The following EPB41L3 variants were observed in gnomAD, a reference collection of about 807,000 sequenced individuals.
EPB41L3 encodes erythrocyte membrane protein band 4.1 like 3.
In EPB41L3, 57 loss-of-function variants were observed where a neutral mutation model predicts 127.1. The ratio of observed to expected loss-of-function variants is 0.45; its 90% CI spans 0.36 to 0.56. EPB41L3 has a LOEUF of 0.56. Ranked by LOEUF, EPB41L3 falls within the 20% of genes least tolerant of loss-of-function variation. The pLI is 0.00. For missense variants in EPB41L3, 1,273 were observed against 1,372.2 expected, an observed-to-expected ratio of 0.93 and a Z score of 1.14; for synonymous variants, 572 against 549.5, an observed-to-expected ratio of 1.04 and a Z score of -0.57.
chr18:5,586,052 C>T (rs534885186), intron 3 of EPB41L3, among the ~76,000 whole-genome samples: 112 of 152,296 alleles, frequency 7.4e-4, no homozygotes, highest in Admixed American at 2.6e-3. Context: ...GGGCTCAACA[C>T]CAATGTCAGT....
chr18:5,471,816 G>A (rs1350744939), intron 3 of EPB41L3, among the ~76,000 whole-genome samples: 1 of 152,156 alleles, frequency 6.6e-6, no homozygotes, highest in African/African-American at 2.4e-5. Context: ...TCAGCATCAC[G>A]ATGTCAGAAT....
intron 1 of EPB41L3, among the ~76,000 whole-genome samples, chr18:5,522,162 G>C (rs113948546): frequency 1.1e-4 from 16 of 152,204 alleles, no homozygotes; most frequent in African/African-American, 3.9e-4. Context: ...GGAGTGCAGT[G>C]ATGCAATCTC....
At chr18:5,437,211 G>A (rs1017773795) in intron 6 of EPB41L3, among the ~76,000 whole-genome samples, 1 of 152,152 alleles carries the variant, frequency 6.6e-6, no homozygotes. Context: ...TCTGGGAAGT[G>A]ATTAGGGTGG....
chr18:5,619,421 A>G (rs2144193821), intron 1 of EPB41L3, among the ~76,000 whole-genome samples: 1 of 152,232 alleles, frequency 6.6e-6, no homozygotes. Flanking sequence ...TTTTAGCCAG[A>G]GAAATAATTT....
At chr18:5,398,944 G>A (rs190768275) in intron 16 of EPB41L3, 135 of 399,116 alleles carry the variant, frequency 3.4e-4, no homozygotes, top group African/African-American at 2.5e-3. Flanking sequence ...GACAATTTCC[G>A]CTGTGTCGTC....
At chr18:5,394,574 T>C in intron 22 of EPB41L3, 103 bp downstream of exon 22, 2 of 817,366 alleles carry the variant, frequency 2.4e-6, no homozygotes, top group Admixed American at 2.4e-5. Context: ...CAAATGCCAG[T>C]GAGAGAACAG....
chr18:5,506,432 T>C (rs773873041), intron 1 of EPB41L3, among the ~76,000 whole-genome samples: 12 of 152,118 alleles, frequency 7.9e-5, no homozygotes, highest in Non-Finnish European at 1.8e-4. Flanking sequence ...GCCTGGAACA[T>C]ATGTCTTCCT....
intron 8 of EPB41L3, chr18:5,429,523 T>G (rs926391938): frequency 1.3e-5 from 2 of 152,240 alleles, no homozygotes; most frequent in African/African-American, 2.4e-5. Context: ...GAAAGGGTCA[T>G]GAGCTGAGCA....
intron 16 of EPB41L3, chr18:5,400,533 T>A: frequency 2.2e-6 from 1 of 456,936 alleles, no homozygotes; most frequent in Non-Finnish European, 4.4e-6. Flanking sequence ...GGAAAATTAT[T>A]TGACGAGAAG....
chr18:5,519,449 G>A (rs2092897986), intron 1 of EPB41L3, among the ~76,000 whole-genome samples: 2 of 152,172 alleles, frequency 1.3e-5, no homozygotes, highest in Admixed American at 6.5e-5. Context: ...TAGTCACTCA[G>A]TTATCACCAA....
At chr18:5,505,369 A>T (rs1263493630) in intron 1 of EPB41L3, among the ~76,000 whole-genome samples, 1 of 152,034 alleles carries the variant, frequency 6.6e-6, no homozygotes, top group Non-Finnish European at 1.5e-5. Flanking sequence ...CTGTGGCTCT[A>T]CCTTCAGAAT....
intron 3 of EPB41L3, among the ~76,000 whole-genome samples, chr18:5,597,662 G>A (rs1265859462): frequency 6.6e-6 from 1 of 152,174 alleles, no homozygotes; most frequent in Non-Finnish European, 1.5e-5. Flanking sequence ...AGTGAATTCA[G>A]AATTTAGGAA....
chr18:5,421,464 G>T (rs948232952), intron 11 of EPB41L3, among the ~76,000 whole-genome samples: 7 of 152,148 alleles, frequency 4.6e-5, no homozygotes, highest in African/African-American at 1.7e-4. Context: ...AATTCAGCTC[G>T]AAACAGTCCT....
chr18:5,496,583 A>G (rs1010744596), intron 1 of EPB41L3, among the ~76,000 whole-genome samples: 3 of 152,206 alleles, frequency 2.0e-5, no homozygotes, highest in African/African-American at 7.2e-5. Context: ...CACTGTGAAC[A>G]CTCTGTCAAA....
intron 1 of EPB41L3, among the ~76,000 whole-genome samples, chr18:5,621,482 T>C (rs1330155365): frequency 1.3e-5 from 2 of 152,206 alleles, no homozygotes; most frequent in African/African-American, 4.8e-5. Context: ...TTCATGCCTG[T>C]AAACCCAGCA....
At chr18:5,551,543 A>G (rs1202051448) in intron 3 of EPB41L3, among the ~76,000 whole-genome samples, 1 of 152,036 alleles carries the variant, frequency 6.6e-6, no homozygotes, top group Non-Finnish European at 1.5e-5. Flanking sequence ...TGGGCAATAT[A>G]TTGAGACCCC....
chr18:5,473,480 GCTTGA>G (rs965420822), intron 3 of EPB41L3, among the ~76,000 whole-genome samples: 3 of 151,380 alleles, frequency 2.0e-5, no homozygotes, highest in Non-Finnish European at 4.4e-5. Context: ...TTGAGATCAA[GCTTGA>G]CTTATTTTCC....
chr18:5,540,859 T>A lies in EPB41L3; in HGVS notation c.-12+3054A>T, dbSNP rs928492430. On this transcript the variant is annotated intron_variant, in intron 1 of 22. Coordinates refer to ENST00000341928, the MANE Select transcript of EPB41L3 (RefSeq NM_012307.5). ...CAGCACTTTGGGAGGCCGAGACGGG[T>A]GGATCACGAGGTCAGGAGATCGAGA... 2.6e-5 allele frequency among the ~76,000 whole-genome samples: 4 copies of A among 151,516 alleles called. No homozygotes were observed. In the East Asian group the frequency reaches 7.8e-4, roughly 29 times the overall value.
At chr18:5,399,669 A>T (rs1448157066) in intron 16 of EPB41L3, 1 of 270,696 alleles carries the variant, frequency 3.7e-6, no homozygotes. Context: ...CTCTTATGAT[A>T]AATTTTGGAT....
Sources: gnomAD v4.1 joint callset for allele counts (sites outside exome capture counted in the v4.1 genomes callset) on GRCh38, gnomAD v4.1.1 for gene constraint, MANE v1.5 for transcripts, NCBI Gene and HGNC (gene_info 2026-07-23, HGNC 2026-07-21) for gene names.